Variants in SCAND3 observed in about 807,000 individuals in gnomAD.
SCAND3 encodes the protein SCAN domain-containing protein 3.
the SCAND3 span, among the ~76,000 whole-genome samples, chr6:28,583,399 AAAC>A: frequency 0.27 from 39,175 of 143,350 alleles, 5,910 homozygotes; most frequent in East Asian, 0.47. Flanking sequence ...ACAAACAAAC[AAAC>A]AACAACAACA....
At chr6:28,614,966 T>G in the SCAND3 span, among the ~76,000 whole-genome samples, 1 of 152,222 alleles carries the variant, frequency 6.6e-6, no homozygotes, top group Non-Finnish European at 1.5e-5. Context: ...TAACTCTACT[T>G]TTGTCATATA....
chr6:28,593,179 A>G, the SCAND3 span, among the ~76,000 whole-genome samples: 1 of 152,182 alleles, frequency 6.6e-6, no homozygotes, highest in East Asian at 1.9e-4. Flanking sequence ...GTTAATATGC[A>G]CAATATATAA....
the SCAND3 span, among the ~76,000 whole-genome samples, chr6:28,595,330 CAAAAAAA>C: frequency 2.9e-3 from 109 of 37,330 alleles, no homozygotes; most frequent in Admixed American, 0.01. Flanking sequence ...AACCCAGTCT[CAAAAAAA>C]AAAAAAAAAA....
chr6:28,570,591 G>A, the SCAND3 span: 1 of 152,130 alleles, frequency 6.6e-6, no homozygotes, highest in Non-Finnish European at 1.5e-5. Flanking sequence ...CAAAGGTTTG[G>A]AGGATCCTTG....
chr6:28,590,376 A>G, the SCAND3 span: 1 of 152,244 alleles, frequency 6.6e-6, no homozygotes, highest in Non-Finnish European at 1.5e-5. Flanking sequence ...AGAACAGAAA[A>G]TGTAGCCGCT....
the SCAND3 span, among the ~76,000 whole-genome samples, chr6:28,596,241 A>G: frequency 3.9e-5 from 6 of 152,206 alleles, no homozygotes; most frequent in Non-Finnish European, 4.4e-5. Context: ...TGGTTAAATA[A>G]TATATGGTAA....
At chr6:28,573,026 C>A in the SCAND3 span, 1 of 1,612,844 alleles carries the variant, frequency 6.2e-7, no homozygotes, top group Non-Finnish European at 8.5e-7. Context: ...CATTTGTTAA[C>A]AATATAATTC....
chr6:28,586,766 G>T, the SCAND3 span: 317,267 of 1,517,434 alleles, frequency 0.21, 34,179 homozygotes, highest in Non-Finnish European at 0.22. This position sits in a 1 kb window ranked among gnomAD's most constrained non-coding sequence, Gnocchi z 4.4. Context: ...TGGGGTCTAG[G>T]CAAATGGGTG....
the SCAND3 span, among the ~76,000 whole-genome samples, chr6:28,608,638 A>G: frequency 2.0e-5 from 3 of 152,208 alleles, no homozygotes; most frequent in African/African-American, 7.2e-5. Context: ...TTCCCTTTTT[A>G]ACTTACTGAT....
the SCAND3 span, chr6:28,573,903 A>T: frequency 7.2e-7 from 1 of 1,391,810 alleles, no homozygotes; most frequent in South Asian, 1.7e-5. Flanking sequence ...CCACAAGTTA[A>T]AAACTAGATT....
the SCAND3 span, among the ~76,000 whole-genome samples, chr6:28,604,339 A>G: frequency 6.6e-6 from 1 of 152,070 alleles, no homozygotes; most frequent in Non-Finnish European, 1.5e-5. Context: ...TTTTTTGGCC[A>G]GGCACTGTGG....
the SCAND3 span, among the ~76,000 whole-genome samples, chr6:28,602,443 G>T: frequency 6.6e-6 from 1 of 152,168 alleles, no homozygotes; most frequent in East Asian, 1.9e-4. Flanking sequence ...CCTGAGTTCA[G>T]GTGATTTGCC....
the SCAND3 span, among the ~76,000 whole-genome samples, chr6:28,592,457 C>T: frequency 6.6e-6 from 1 of 152,082 alleles, no homozygotes. The surrounding 1 kb of genome is among the most constrained non-coding windows in gnomAD (Gnocchi z 4.1). Flanking sequence ...GGAAAATATT[C>T]CATGTTCATG....
At chr6:28,601,466 G>A in the SCAND3 span, among the ~76,000 whole-genome samples, 15 of 152,138 alleles carry the variant, frequency 9.9e-5, no homozygotes, top group East Asian at 2.1e-3. Flanking sequence ...CGATGCAAGC[G>A]TTAGCTGTCA....
the SCAND3 span, among the ~76,000 whole-genome samples, chr6:28,596,304 T>A: frequency 6.6e-6 from 1 of 152,192 alleles, no homozygotes; most frequent in Non-Finnish European, 1.5e-5. Context: ...TTTCACTTTT[T>A]GTGATGATAC....
At chr6:28,584,922 T>C in the SCAND3 span, among the ~76,000 whole-genome samples, 1 of 152,246 alleles carries the variant, frequency 6.6e-6, no homozygotes, top group African/African-American at 2.4e-5. Context: ...TTTTTCTTAA[T>C]GTCTCCATAC....
At chr6:28,603,055 C>T in the SCAND3 span, among the ~76,000 whole-genome samples, 7 of 150,826 alleles carry the variant, frequency 4.6e-5, no homozygotes, top group Admixed American at 3.3e-4. Flanking sequence ...CTCCGCCTCC[C>T]GGATTCAAGC....
the SCAND3 span, chr6:28,589,195 A>C: frequency 2.0e-5 from 3 of 152,242 alleles, no homozygotes; most frequent in Admixed American, 2.0e-4. Flanking sequence ...CGCAGGAAAG[A>C]GTGAAGAGAT....
the SCAND3 span, chr6:28,589,342 A>G: frequency 6.6e-6 from 1 of 152,156 alleles, no homozygotes; most frequent in African/African-American, 2.4e-5. Flanking sequence ...GGAGGTATTT[A>G]ACCACGACTA....
Sources: gnomAD v4.1 joint callset for allele counts (sites outside exome capture counted in the v4.1 genomes callset) on GRCh38, gnomAD v4.1.1 for gene constraint, Gnocchi (gnomAD v3.1) non-coding constraint, MANE v1.5 for transcripts, NCBI Gene and HGNC (gene_info 2026-07-23, HGNC 2026-07-21) for gene names.